Variants in ST3GAL2 observed in about 807,000 individuals in gnomAD.
The protein encoded by ST3GAL2 is CMP-N-acetylneuraminate-beta-galactosamide-alpha-2,3-sialyltransferase 2.
ST3GAL2 carries 16 observed loss-of-function variants against 37.5 expected under a neutral mutation model. The ratio of observed to expected loss-of-function variants is 0.43; its 90% CI spans 0.29 to 0.65. The LOEUF is 0.65. ST3GAL2 is among the 30% of genes least tolerant of loss of function. The pLI is 0.17. For synonymous variants in ST3GAL2, 238 were observed against 202.9 expected (o/e 1.17, Z -1.47); for missense variants, 383 against 487.8 (o/e 0.79, Z 2.02).
intron 1 of ST3GAL2, among the ~76,000 whole-genome samples, chr16:70,437,924 T>C (rs11863943): frequency 0.081 from 12,237 of 151,938 alleles, 1,649 homozygotes; most frequent in African/African-American, 0.28. Context: ...TGCCCTGTAC[T>C]CCCCCGGAGG....
chr16:70,377,430 A>G lies in ST3GAL2; in HGVS notation c.*4259T>C, dbSNP rs1355244702. ...GGGAGGCGGAGCTTGCAGTGAGCGG[A>G]CATAGCACCACTGCATTCCAGCCTG... is the stretch of plus-strand genomic sequence containing the variant. On this transcript the variant is annotated 3_prime_UTR_variant, in exon 7 of 7. Transcript: ENST00000342907. 1 of 150,752 alleles carries G rather than the reference A, an allele frequency of 6.6e-6. No homozygotes were observed. Among genetic ancestry groups the G allele is most frequent in the Non-Finnish European group, 1.5e-5 (1 of 67,904 alleles). 9.3% of individuals were successfully genotyped at this position (150,752 alleles called of 1,614,324 possible). A position where few individuals can be genotyped will look rare whatever the true frequency, so the allele number is the denominator to read the frequency against.
At chr16:70,400,084 C>G (rs1355273749) in intron 1 of ST3GAL2, 1 of 152,698 alleles carries the variant, frequency 6.5e-6, no homozygotes, top group Non-Finnish European at 1.5e-5. Flanking sequence ...GGGGGAGAAC[C>G]TGGCTGTGTC....
chr16:70,438,666 G>A (rs116127924), intron 1 of ST3GAL2, among the ~76,000 whole-genome samples: 11,075 of 151,900 alleles, frequency 0.073, 1,391 homozygotes, highest in African/African-American at 0.25. Flanking sequence ...GCTGGGGCTG[G>A]GGTTGGGGTT....
chr16:70,415,267 C>G (rs1301685298), intron 1 of ST3GAL2, among the ~76,000 whole-genome samples: 2 of 151,962 alleles, frequency 1.3e-5, no homozygotes, highest in Admixed American at 1.3e-4. Context: ...CCCAGGACCA[C>G]CCCCCCGCCA....
At chr16:70,430,596 G>A (rs1264239379) in intron 1 of ST3GAL2, among the ~76,000 whole-genome samples, 1 of 152,074 alleles carries the variant, frequency 6.6e-6, no homozygotes, top group Non-Finnish European at 1.5e-5. Context: ...ATGGACCTGG[G>A]GTCTCCCCTG....
intron 1 of ST3GAL2, among the ~76,000 whole-genome samples, chr16:70,403,029 G>A (rs538372722): frequency 6.6e-6 from 1 of 152,352 alleles, no homozygotes; most frequent in Admixed American, 6.5e-5. Context: ...GCATTTCGTA[G>A]TAAAATCTAA....
In ST3GAL2 at chr16:70,380,275, C is replaced by G. The variant is rs1000789855; in HGVS notation, c.*1414G>C. On this transcript the variant is annotated 3_prime_UTR_variant, in exon 7 of 7. Coordinates refer to ENST00000342907, the MANE Select transcript of ST3GAL2 (RefSeq NM_006927.4). ...ACCCTCCCCTAACAAAGTCCCCTGC[C>G]GGTCCCTGTTCCCTCAGCCAGCTGC... 1.3e-5 allele frequency: 2 copies of G among 152,278 alleles called. No homozygotes were observed. The highest frequency in any genetic ancestry group is 2.4e-5 in the African/African-American group (1 of 41,460). The allele number at this position is 152,278 out of a possible 1,614,324, so 9.4% of individuals were successfully genotyped here. A position where few individuals can be genotyped will look rare whatever the true frequency, so the allele number is the denominator to read the frequency against.
chr16:70,381,515 G>C lies in ST3GAL2; in HGVS notation c.*174C>G, dbSNP rs570267278. 2 of 727,992 alleles carry C rather than the reference G, an allele frequency of 2.7e-6. No individual in the cohort carries two copies. Among genetic ancestry groups the C allele is most frequent in the South Asian group, 1.9e-5 (1 of 51,822 alleles). The allele number at this position is 727,992 out of a possible 1,614,324, so 45.1% of individuals were successfully genotyped here. ...GCTGGGAGAAACAGAAGCTCCGCCC[G>C]ACCGCAGCGCAGATTGGTGCCAGGC... is the stretch of plus-strand genomic sequence containing the variant. On this transcript the variant is annotated 3_prime_UTR_variant, in exon 7 of 7. Coordinates refer to ENST00000342907, the MANE Select transcript of ST3GAL2 (RefSeq NM_006927.4).
intron 1 of ST3GAL2, among the ~76,000 whole-genome samples, chr16:70,417,850 A>G (rs1004300486): frequency 2.6e-5 from 4 of 152,038 alleles, no homozygotes; most frequent in Non-Finnish European, 5.9e-5. Context: ...TCATCTCCCA[A>G]CGCTGCCCTC....
intron 4 of ST3GAL2, 41 bp from the exon 5 acceptor site, chr16:70,383,276 C>T: frequency 6.3e-7 from 1 of 1,575,786 alleles, no homozygotes; most frequent in Non-Finnish European, 8.6e-7. Context: ...TCAGGCTGGG[C>T]ACGGTGGCTC....
At chr16:70,383,714 C>T (rs1394610649) in intron 4 of ST3GAL2, among the ~76,000 whole-genome samples, 1 of 151,710 alleles carries the variant, frequency 6.6e-6, no homozygotes, top group Non-Finnish European at 1.5e-5. Flanking sequence ...CTAGGGATGC[C>T]CCCCACGCCA....
Position 70,388,496 on chromosome 16 carries a change from G to C in ST3GAL2, c.584C>G (p.Thr195Ser), listed in dbSNP as rs1406406869. Reference sequence around the variant, plus strand: ...CTCAGGGTACATGAAATGGTGGGTGGTTCGGCTGCCAACATCCTGCTCAAA... The same window carrying C: ...CTCAGGGTACATGAAATGGTGGGTGCTTCGGCTGCCAACATCCTGCTCAAA... ...VGFEQDVGSR[T>S]THHFMYPESA... Residue 195 changes from threonine (T) to serine (S), a missense_variant, in exon 4 of 7, where the codon ACC becomes AGC. Transcript: ENST00000342907. 1.2e-6 allele frequency: 2 copies of C among 1,613,150 alleles called. No homozygotes were observed.
chr16:70,408,962 G>A (rs1407577483), intron 1 of ST3GAL2, among the ~76,000 whole-genome samples: 2 of 141,222 alleles, frequency 1.4e-5, no homozygotes, highest in African/African-American at 5.3e-5. Context: ...TCTAAGAGGA[G>A]GAAGCTGGGC....
intron 1 of ST3GAL2, among the ~76,000 whole-genome samples, chr16:70,422,204 A>C (rs531672099): frequency 5.3e-5 from 8 of 152,198 alleles, no homozygotes; most frequent in African/African-American, 7.2e-5. Flanking sequence ...CATTTGTAAA[A>C]TGAGCACGAT....
intron 2 of ST3GAL2, among the ~76,000 whole-genome samples, chr16:70,397,216 C>T (rs550323276): frequency 6.8e-4 from 102 of 150,530 alleles, no homozygotes; most frequent in African/African-American, 2.4e-3. Flanking sequence ...AATTTTTTTT[C>T]ATTTTTAGTA....
Position 70,398,974 on chromosome 16 carries a change from C to A in ST3GAL2, c.-444G>T. 1 of 414,772 alleles carries A rather than the reference C, an allele frequency of 2.4e-6. No individual in the cohort carries two copies. Among genetic ancestry groups the A allele is most frequent in the South Asian group, 1.0e-4 (1 of 9,736 alleles). The allele number at this position is 414,772 out of a possible 1,614,324, so 25.7% of individuals were successfully genotyped here. On this transcript the variant is annotated 5_prime_UTR_variant, in exon 2 of 7. The change creates a new upstream start codon in the 5' untranslated region. Coordinates refer to ENST00000342907, the MANE Select transcript of ST3GAL2 (RefSeq NM_006927.4). ...TCATGAGCAGACAATGAGGCGGCCC[C>A]TCGTTCCCGGCAGCGGGGAAGCCCT...
At position 70,381,399 on chromosome 16, in the gene ST3GAL2, GGGATT is replaced by G; in HGVS notation, c.*285_*289del. The G allele has an allele frequency of 2.4e-6, 1 of 409,810 alleles. No individual in the cohort carries two copies. 25.4% of individuals were successfully genotyped at this position (409,810 alleles called of 1,614,324 possible). On this transcript the variant is annotated 3_prime_UTR_variant, in exon 7 of 7. Coordinates refer to ENST00000342907, the MANE Select transcript of ST3GAL2 (RefSeq NM_006927.4). The stretch of plus-strand genomic sequence containing the variant: ...CCCTAACCCAAAGCATGAGGGAGTG[GGGATT>G]GAGCGGCCGCTGGCCCGCCCCCGAA...
rs745440531 is a variant in ST3GAL2 at position 70,381,669 on chromosome 16, G to C, written c.*20C>G. ...CCGGTGCCCGATAGATGGGCCGGAA[G>C]GGTCGCGGCGAGGCCCGGCTCAGTT... On this transcript the variant is annotated 3_prime_UTR_variant, in exon 7 of 7. Transcript: ENST00000342907. 1 of 1,610,278 alleles carries C rather than the reference G, an allele frequency of 6.2e-7. No homozygotes were observed. The highest frequency in any genetic ancestry group is 1.3e-5 in the African/African-American group (1 of 74,902).
rs2047537555 is a variant in ST3GAL2 at position 70,399,042 on chromosome 16, T to C, written c.-512A>G. Reference sequence around the variant, plus strand: ...AGAGAGCACAGGGGCTTCAGGGGACTTGGGTTCCATGCAAGTGTTGTCCCA... The same window carrying C: ...AGAGAGCACAGGGGCTTCAGGGGACCTGGGTTCCATGCAAGTGTTGTCCCA... On this transcript the variant is annotated 5_prime_UTR_variant, in exon 2 of 7. Transcript: ENST00000342907. 1.2e-5 allele frequency: 5 copies of C among 402,524 alleles called. No individual in the cohort carries two copies. Among genetic ancestry groups the C allele is most frequent in the Admixed American group, 4.2e-5 (1 of 23,718 alleles). The allele number at this position is 402,524 out of a possible 1,614,324, so 24.9% of individuals were successfully genotyped here. A position where few individuals can be genotyped will look rare whatever the true frequency, so the allele number is the denominator to read the frequency against.
Sources: gnomAD v4.1 joint callset for allele counts (sites outside exome capture counted in the v4.1 genomes callset) on GRCh38, gnomAD v4.1.1 for gene constraint, MANE v1.5 for transcripts, NCBI Gene and HGNC (gene_info 2026-07-23, HGNC 2026-07-21) for gene names.